NRF1: variants seen among roughly 807,000 people sequenced by gnomAD.
The protein encoded by NRF1 is nuclear respiratory factor 1.
Under a neutral mutation model 58.5 loss-of-function variants are expected in NRF1, and 5 were observed. That is an observed-to-expected ratio of 0.09 (90% CI 0.04 to 0.18). The LOEUF is 0.18. NRF1 is among the 10% of genes least tolerant of loss of function. NRF1 has a pLI of 1.00. For missense variants in NRF1, 288 were observed against 657.7 expected, an observed-to-expected ratio of 0.44 and a Z score of 6.15; for synonymous variants, 224 against 246.7, an observed-to-expected ratio of 0.91 and a Z score of 0.86.
At chr7:129,702,766 A>G (rs951621679) in intron 5 of NRF1, among the ~76,000 whole-genome samples, 9 of 152,120 alleles carry the variant, frequency 5.9e-5, no homozygotes, top group South Asian at 2.1e-4. Context: ...TTTGCTTTCA[A>G]CTGCCTTCTC....
rs1803376948 is a variant in NRF1 at position 129,723,383 on chromosome 7, C to T, written c.1224-3858C>T. ...GCTTGAACCTGGGAGGCAGAGGTTGCGGTGAGCCAAGATCATGCCATTGCA... is the reference window on the plus strand; with the variant it reads ...GCTTGAACCTGGGAGGCAGAGGTTGTGGTGAGCCAAGATCATGCCATTGCA... On this transcript the variant is annotated intron_variant, in intron 9 of 10. Coordinates refer to ENST00000393232, the MANE Select transcript of NRF1 (RefSeq NM_005011.5). Among the ~76,000 whole-genome samples the T allele has an allele frequency of 2.7e-5, 4 of 150,764 alleles. No homozygotes were observed. The South Asian group carries it at 6.3e-4, about 24-fold the overall frequency.
At chr7:129,719,659 TATACTC>T (rs1270903094) in intron 9 of NRF1, among the ~76,000 whole-genome samples, 1 of 152,090 alleles carries the variant, frequency 6.6e-6, no homozygotes, top group Non-Finnish European at 1.5e-5. Flanking sequence ...CACTCACGTA[TATACTC>T]ATCATGTTGC....
intron 9 of NRF1, among the ~76,000 whole-genome samples, chr7:129,726,193 G>A (rs1019833222): frequency 6.6e-6 from 1 of 152,140 alleles, no homozygotes; most frequent in African/African-American, 2.4e-5. Context: ...ACTGGAATTC[G>A]ATAGTCCCTC....
At chr7:129,629,311 T>G (rs1800995181) in intron 1 of NRF1, among the ~76,000 whole-genome samples, 1 of 144,052 alleles carries the variant, frequency 6.9e-6, no homozygotes, top group South Asian at 2.2e-4. Context: ...GGAGTCTTGC[T>G]CTTGTCACCC....
chr7:129,677,007 A>AT (rs56059756), intron 3 of NRF1, among the ~76,000 whole-genome samples: 10,682 of 113,378 alleles, frequency 0.094, 835 homozygotes, highest in African/African-American at 0.18. Flanking sequence ...TCTTGGTTGC[A>AT]TTTTTTTTTT....
chr7:129,682,413 G>A (rs1802336907), intron 4 of NRF1, among the ~76,000 whole-genome samples: 1 of 150,424 alleles, frequency 6.6e-6, no homozygotes, highest in South Asian at 2.1e-4. Flanking sequence ...AGCTGTGATT[G>A]CACCACTGCA....
At position 129,709,243 on chromosome 7, in the gene NRF1, C is replaced by T; in HGVS notation, c.765+10C>T. 1 of 1,449,284 alleles carries T rather than the reference C, an allele frequency of 6.9e-7. No homozygotes were observed. The highest frequency in any genetic ancestry group is 2.0e-4 in the Middle Eastern group (1 of 4,912). 89.8% of individuals were successfully genotyped at this position (1,449,284 alleles called of 1,614,324 possible). ...AGAGCAAAAGCAGAGGGTGAGAGTT[C>T]CTCTGACTGAGTTGCCTGGTTGCTT... On this transcript the variant is annotated intron_variant, in intron 6 of 10. Coordinates refer to ENST00000393232, the MANE Select transcript of NRF1 (RefSeq NM_005011.5).
chr7:129,644,339 A>G (rs1801359135), intron 1 of NRF1, among the ~76,000 whole-genome samples: 1 of 152,246 alleles, frequency 6.6e-6, no homozygotes, highest in Non-Finnish European at 1.5e-5. Context: ...CTGTAGGGCA[A>G]GGACAAAACG....
Position 129,652,248 on chromosome 7 carries a change from A to G in NRF1, c.-6-5098A>G, listed in dbSNP as rs115938491. ...ATGCAGCCATAGAGGTCATATTTCT[A>G]TATCTATGTGGTTGACATTTTTTGG... On this transcript the variant is annotated intron_variant, in intron 1 of 10. Transcript: ENST00000393232. Among the ~76,000 whole-genome samples, 894 of 152,326 alleles carry G rather than the reference A, an allele frequency of 5.9e-3. 11 individuals carry two copies. The highest frequency in any genetic ancestry group is 0.02 in the African/African-American group (840 of 41,586).
intron 1 of NRF1, among the ~76,000 whole-genome samples, chr7:129,613,610 CTT>C (rs1452920878): frequency 6.6e-6 from 1 of 151,946 alleles, no homozygotes; most frequent in Non-Finnish European, 1.5e-5. Flanking sequence ...TAAGAAAACT[CTT>C]TACGGCCGGG....
intron 2 of NRF1, among the ~76,000 whole-genome samples, chr7:129,669,358 A>G (rs1422762036): frequency 6.6e-6 from 1 of 152,194 alleles, no homozygotes; most frequent in Admixed American, 6.5e-5. Flanking sequence ...ATTATAAAAT[A>G]TTGAACTCTA....
At chr7:129,660,669 T>A (rs1446901582) in intron 2 of NRF1, among the ~76,000 whole-genome samples, 3 of 150,816 alleles carry the variant, frequency 2.0e-5, no homozygotes, top group Non-Finnish European at 4.4e-5. Flanking sequence ...GGTCCCATGG[T>A]CTTGGACAGC....
chr7:129,654,846 A>G (rs1488366240), intron 1 of NRF1, among the ~76,000 whole-genome samples: 2 of 152,134 alleles, frequency 1.3e-5, no homozygotes, highest in African/African-American at 2.4e-5. Flanking sequence ...ATACCATACT[A>G]TCTTGATTAC....
At chr7:129,721,946 T>C (rs1205800980) in intron 9 of NRF1, among the ~76,000 whole-genome samples, 2 of 152,240 alleles carry the variant, frequency 1.3e-5, no homozygotes, top group Non-Finnish European at 2.9e-5. Context: ...CAACTGCTTT[T>C]CTTTCCTACA....
At chr7:129,630,895 T>C (rs1801034385) in intron 1 of NRF1, among the ~76,000 whole-genome samples, 1 of 152,222 alleles carries the variant, frequency 6.6e-6, no homozygotes, top group South Asian at 2.1e-4. Flanking sequence ...ACCAGTTTTA[T>C]GTTAACCTAA....
chr7:129,699,950 C>T (rs1802781862), intron 5 of NRF1, among the ~76,000 whole-genome samples: 1 of 145,190 alleles, frequency 6.9e-6, no homozygotes, highest in African/African-American at 2.6e-5. Context: ...CCAGCCTGAC[C>T]AACATAGTGA....
intron 1 of NRF1, among the ~76,000 whole-genome samples, chr7:129,653,164 A>C (rs1801575557): frequency 6.6e-6 from 1 of 152,218 alleles, no homozygotes; most frequent in Non-Finnish European, 1.5e-5. Context: ...CATAAGTAGA[A>C]TCATACAGTA....
intron 9 of NRF1, among the ~76,000 whole-genome samples, chr7:129,719,858 A>G (rs1004348039): frequency 2.6e-5 from 4 of 152,162 alleles, no homozygotes; most frequent in Non-Finnish European, 5.9e-5. Context: ...ACAGGCCCTC[A>G]TTAAAGACCA....
intron 9 of NRF1, among the ~76,000 whole-genome samples, chr7:129,717,799 A>G (rs1174240939): frequency 1.3e-5 from 2 of 152,196 alleles, no homozygotes; most frequent in African/African-American, 4.8e-5. Context: ...TTCTGTGTCC[A>G]GTAAGCAGAA....
Sources: allele counts gnomAD v4.1 joint callset (sites outside exome capture counted in the v4.1 genomes callset), GRCh38; gene constraint gnomAD v4.1.1; transcripts MANE v1.5; gene names NCBI Gene and HGNC (gene_info 2026-07-23, HGNC 2026-07-21).